Variants in GPR39 observed in about 807,000 individuals in gnomAD.
GPR39 encodes the protein zinc sensing receptor.
In GPR39, 23 loss-of-function variants were observed where a neutral mutation model predicts 18.4. The observed-to-expected ratio is 1.25, with a 90% CI of 0.90 to 1.77. The LOEUF (loss-of-function observed/expected upper bound fraction) is 1.77. Ranked by LOEUF, GPR39 falls within the 40% of genes most tolerant of loss-of-function variation. The pLI is 0.00. For missense variants in GPR39, 647 were observed against 602.4 expected (o/e 1.07, Z -0.78); for synonymous variants, 280 against 257.9 (o/e 1.09, Z -0.82).
intron 1 of GPR39, among the ~76,000 whole-genome samples, chr2:132,475,583 C>T (rs754637125): frequency 3.3e-5 from 5 of 152,004 alleles, no homozygotes; most frequent in Non-Finnish European, 7.4e-5. Context: ...AATACCCCCA[C>T]ACCAGGTTTC....
chr2:132,617,070 A>G (rs1282250701), intron 1 of GPR39, among the ~76,000 whole-genome samples: 1 of 152,228 alleles, frequency 6.6e-6, no homozygotes, highest in East Asian at 1.9e-4. Flanking sequence ...TAATAGTGCA[A>G]CGTAGCCTTG....
chr2:132,526,649 C>A (rs1431547809), intron 1 of GPR39, among the ~76,000 whole-genome samples: 1 of 152,186 alleles, frequency 6.6e-6, no homozygotes, highest in African/African-American at 2.4e-5. Flanking sequence ...CACTGCCCAT[C>A]CCCCGGAGCA....
chr2:132,573,196 C>T (rs146487086), intron 1 of GPR39, among the ~76,000 whole-genome samples: 85 of 152,282 alleles, frequency 5.6e-4, no homozygotes, highest in African/African-American at 1.9e-3. Context: ...TTCCAACAGA[C>T]TATGTTGGGA....
chr2:132,509,450 A>ACT (rs1284159464), intron 1 of GPR39, among the ~76,000 whole-genome samples: 2 of 43,164 alleles, frequency 4.6e-5, no homozygotes, highest in East Asian at 9.3e-4. Flanking sequence ...TCACACACAC[A>ACT]GACACTCACT....
chr2:132,512,192 T>G (rs1324109814), intron 1 of GPR39, among the ~76,000 whole-genome samples: 1 of 152,142 alleles, frequency 6.6e-6, no homozygotes, highest in African/African-American at 2.4e-5. Flanking sequence ...ACATGTAAAC[T>G]TGGTAGGAGC....
At chr2:132,562,851 T>C (rs1322746620) in intron 1 of GPR39, among the ~76,000 whole-genome samples, 1 of 148,170 alleles carries the variant, frequency 6.7e-6, no homozygotes, top group African/African-American at 2.5e-5. Flanking sequence ...CGAGAAAGAG[T>C]TGAAAGTTCA....
intron 1 of GPR39, among the ~76,000 whole-genome samples, chr2:132,423,060 A>C (rs1680045097): frequency 6.6e-6 from 1 of 151,994 alleles, no homozygotes; most frequent in African/African-American, 2.4e-5. Flanking sequence ...CTCTGGCTGT[A>C]CAAGGCAAGG....
chr2:132,611,560 T>G (rs1405868352), intron 1 of GPR39, among the ~76,000 whole-genome samples: 1 of 152,104 alleles, frequency 6.6e-6, no homozygotes, highest in African/African-American at 2.4e-5. Flanking sequence ...TGCTTGTGGT[T>G]GTTATGACCA....
chr2:132,417,962 C>T (rs1388907027), intron 1 of GPR39, 64 bp downstream of exon 1: 3 of 1,515,062 alleles, frequency 2.0e-6, no homozygotes, highest in East Asian at 2.3e-5. Context: ...ACCCGTGCCA[C>T]TGCCTGTGGC....
At chr2:132,445,950 A>G (rs1470405567) in intron 1 of GPR39, among the ~76,000 whole-genome samples, 1 of 150,992 alleles carries the variant, frequency 6.6e-6, no homozygotes, top group Non-Finnish European at 1.5e-5. Flanking sequence ...CGTCAGTCAC[A>G]GAGATCAGCA....
At chr2:132,549,753 A>G (rs971387287) in intron 1 of GPR39, among the ~76,000 whole-genome samples, 2 of 152,130 alleles carry the variant, frequency 1.3e-5, no homozygotes. Flanking sequence ...GTGCCACTGC[A>G]TTCTAATCCG....
chr2:132,547,398 T>A (rs929161409), intron 1 of GPR39, among the ~76,000 whole-genome samples: 5 of 152,140 alleles, frequency 3.3e-5, no homozygotes, highest in Non-Finnish European at 7.4e-5. Flanking sequence ...ATAGACAATT[T>A]CCAGGCCCGG....
intron 1 of GPR39, among the ~76,000 whole-genome samples, chr2:132,606,598 G>A (rs542246530): frequency 7.9e-5 from 12 of 152,362 alleles, no homozygotes; most frequent in African/African-American, 2.9e-4. Context: ...TGCTCCTTCA[G>A]CTTTGCTGTC....
At chr2:132,540,024 G>T (rs1679834456) in intron 1 of GPR39, among the ~76,000 whole-genome samples, 1 of 152,072 alleles carries the variant, frequency 6.6e-6, no homozygotes, top group Non-Finnish European at 1.5e-5. Context: ...AAAGGAAGTT[G>T]CTATTAAGAA....
At chr2:132,526,855 C>T (rs1679523644) in intron 1 of GPR39, among the ~76,000 whole-genome samples, 1 of 152,194 alleles carries the variant, frequency 6.6e-6, no homozygotes. Flanking sequence ...TGCTTTAACC[C>T]ATAAGGTGAC....
At chr2:132,437,682 G>A (rs1680350582) in intron 1 of GPR39, among the ~76,000 whole-genome samples, 1 of 152,148 alleles carries the variant, frequency 6.6e-6, no homozygotes, top group Non-Finnish European at 1.5e-5. Flanking sequence ...ATTATGTACT[G>A]GGCCTCGTAG....
intron 1 of GPR39, among the ~76,000 whole-genome samples, chr2:132,511,837 G>A (rs1289370756): frequency 6.6e-6 from 1 of 152,168 alleles, no homozygotes; most frequent in Non-Finnish European, 1.5e-5. Context: ...TTACAGATGA[G>A]GAAACTGAGA....
At chr2:132,539,113 G>GA (rs1573655129) in intron 1 of GPR39, among the ~76,000 whole-genome samples, 1 of 152,160 alleles carries the variant, frequency 6.6e-6, no homozygotes, top group East Asian at 1.9e-4. Flanking sequence ...GCCGGAGTAT[G>GA]AAAGACTTCT....
chr2:132,628,683 A>T (rs1261244063), intron 1 of GPR39, among the ~76,000 whole-genome samples: 1 of 152,078 alleles, frequency 6.6e-6, no homozygotes, highest in African/African-American at 2.4e-5. Context: ...ACCATTACCC[A>T]TTTCTAAGTA....
Sources: gnomAD v4.1 joint callset for allele counts (sites outside exome capture counted in the v4.1 genomes callset) on GRCh38, gnomAD v4.1.1 for gene constraint, MANE v1.5 for transcripts, NCBI Gene and HGNC (gene_info 2026-07-23, HGNC 2026-07-21) for gene names.